FREM3: variants seen among roughly 807,000 people sequenced by gnomAD.
FREM3 encodes FRAS1 related extracellular matrix 3.
In FREM3, 105 loss-of-function variants were observed where a neutral mutation model predicts 129.1. The ratio of observed to expected loss-of-function variants is 0.81; its 90% CI spans 0.69 to 0.96. The LOEUF is 0.96. FREM3 is among the 40% of genes least tolerant of loss of function. FREM3 has a pLI of 0.00. For missense variants in FREM3, 2,593 were observed against 2,666.3 expected, an observed-to-expected ratio of 0.97 and a Z score of 0.61; for synonymous variants, 1,014 against 1,044.9, an observed-to-expected ratio of 0.97 and a Z score of 0.57.
chr4:143,681,851 A>G (rs1740256278), intron 2 of FREM3, among the ~76,000 whole-genome samples: 1 of 152,210 alleles, frequency 6.6e-6, no homozygotes, highest in South Asian at 2.1e-4. Flanking sequence ...GGCAAAATTG[A>G]TAGAGACAAC....
At position 143,700,646 on chromosome 4, in the gene FREM3, C is replaced by T. The variant is rs1740684450; in HGVS notation, c.30G>A (p.Gly10=). Residue 10 remains glycine (G), a synonymous_variant, in exon 1 of 8, where the codon GGG becomes GGA. Coordinates refer to ENST00000329798, the MANE Select transcript of FREM3 (RefSeq NM_001168235.2). ...GCGCCACAAGGAGCTGCCGGGGCGT[C>T]CCAGTCGGGTGCCGAGAAGCCCCCG... is the stretch of plus-strand genomic sequence containing the variant. The part of the protein sequence containing the change: MAGASRHPT[G]TPRQLLVALA... 2 of 1,434,018 alleles carry T rather than the reference C, an allele frequency of 1.4e-6. No homozygotes were observed. Among genetic ancestry groups the T allele is most frequent in the African/African-American group, 1.5e-5 (1 of 68,660 alleles). The allele number at this position is 1,434,018 out of a possible 1,614,324, so 88.8% of individuals were successfully genotyped here. A position where few individuals can be genotyped will look rare whatever the true frequency, so the allele number is the denominator to read the frequency against.
chr4:143,597,063 G>T (rs547149884), intron 6 of FREM3, among the ~76,000 whole-genome samples: 2 of 152,096 alleles, frequency 1.3e-5, no homozygotes, highest in African/African-American at 4.8e-5. Flanking sequence ...GGATCATAGC[G>T]GGGAGCATCA....
chr4:143,690,436 C>T lies in FREM3; in HGVS notation c.5275+2677G>A, dbSNP rs187039827. On this transcript the variant is annotated intron_variant, in intron 2 of 7. Coordinates refer to ENST00000329798, the MANE Select transcript of FREM3 (RefSeq NM_001168235.2). ...TTCTTAAGGCCCATGAGCTAAGCTG[C>T]AGCATACACCTAATGTCCAGTTCTG... 5.3e-5 allele frequency among the ~76,000 whole-genome samples: 8 copies of T among 152,248 alleles called. No homozygotes were observed. In the East Asian group the frequency reaches 1.5e-3, roughly 29 times the overall value.
intron 2 of FREM3, among the ~76,000 whole-genome samples, chr4:143,688,634 G>T (rs1259087892): frequency 6.6e-6 from 1 of 152,084 alleles, no homozygotes; most frequent in Non-Finnish European, 1.5e-5. Context: ...GTACTATAAG[G>T]CCATAGTCAC....
At chr4:143,683,759 T>C (rs1740302003) in intron 2 of FREM3, among the ~76,000 whole-genome samples, 1 of 152,110 alleles carries the variant, frequency 6.6e-6, no homozygotes, top group Non-Finnish European at 1.5e-5. Context: ...GCAGATAGCC[T>C]GGGGCAGGTT....
chr4:143,640,960 A>G (rs143119205), intron 2 of FREM3, among the ~76,000 whole-genome samples: 13 of 152,310 alleles, frequency 8.5e-5, no homozygotes, highest in African/African-American at 3.1e-4. Flanking sequence ...TTGGTCATAT[A>G]GAGTTGTACT....
rs1174218132 is a variant in FREM3 at position 143,624,179 on chromosome 4, A to G, written c.5582T>C (p.Leu1861Pro). The change falls in exon 4 of 8, where the codon CTG (leucine) becomes CCG (proline). Residue 1861 changes from leucine (L) to proline (P), a missense_variant. Physicochemically the swap from Leu to Pro is moderately conservative, Grantham distance 98. This residue lies in a region of FREM3 where 317 missense variants were observed against 399.0 expected (regional missense o/e 0.79). Coordinates refer to ENST00000329798, the MANE Select transcript of FREM3 (RefSeq NM_001168235.2). ...CAGTACAGCCATGAGAGGTTCAGAC[A>G]GAATGATCTGGAAGGTCTCTGAAGT... ...YETSETFQII[L>P]SEPLMAVLEF... is the part of the protein sequence containing the mutation. 6.5e-7 allele frequency: 1 copy of G among 1,537,028 alleles called. No individual in the cohort carries two copies. Among genetic ancestry groups the G allele is most frequent in the South Asian group, 1.2e-5 (1 of 84,062 alleles).
At chr4:143,595,156 G>A (rs1738444146) in intron 6 of FREM3, among the ~76,000 whole-genome samples, 1 of 152,208 alleles carries the variant, frequency 6.6e-6, no homozygotes, top group South Asian at 2.1e-4. Context: ...CAGAAACACT[G>A]TTGGTAAACT....
chr4:143,680,034 A>G (rs1332510586), intron 2 of FREM3, among the ~76,000 whole-genome samples: 1 of 152,114 alleles, frequency 6.6e-6, no homozygotes, highest in Non-Finnish European at 1.5e-5. Flanking sequence ...GTATTCAAGC[A>G]TTCTTTTTTT....
At chr4:143,665,773 T>G (rs778516643) in intron 2 of FREM3, among the ~76,000 whole-genome samples, 28 of 152,166 alleles carry the variant, frequency 1.8e-4, no homozygotes, top group Admixed American at 6.6e-5. Context: ...CAGTAGAAGT[T>G]GATTGATTAA....
intron 2 of FREM3, among the ~76,000 whole-genome samples, chr4:143,638,858 A>G (rs1739275996): frequency 6.6e-6 from 1 of 152,200 alleles, no homozygotes; most frequent in Non-Finnish European, 1.5e-5. Context: ...GGCCATCAGC[A>G]TCACAGAGAG....
chr4:143,595,684 A>G (rs12512228), intron 6 of FREM3, among the ~76,000 whole-genome samples: 3,373 of 152,176 alleles, frequency 0.022, 59 homozygotes, highest in African/African-American at 0.04. Context: ...TCTGCAGATC[A>G]AGACCATCCT....
intron 3 of FREM3, 91 bp from the exon 4 acceptor site, chr4:143,624,429 G>T: frequency 1.4e-6 from 1 of 728,628 alleles, no homozygotes; most frequent in Non-Finnish European, 2.2e-6. Context: ...AACAAAAGTA[G>T]ATAACATAGA....
At chr4:143,692,962 A>G in intron 2 of FREM3, 151 bp downstream of exon 2, 1 of 431,894 alleles carries the variant, frequency 2.3e-6, no homozygotes, top group Non-Finnish European at 4.1e-6. Flanking sequence ...TGAAACAAAA[A>G]GAATTAATTT....
At chr4:143,691,132 T>C (rs1334358632) in intron 2 of FREM3, among the ~76,000 whole-genome samples, 1 of 152,230 alleles carries the variant, frequency 6.6e-6, no homozygotes, top group Non-Finnish European at 1.5e-5. Flanking sequence ...AATTAGTTTA[T>C]GTATATGTAC....
chr4:143,621,256 C>T (rs1738946688), intron 4 of FREM3, 94 bp from the exon 5 acceptor site: 1 of 1,138,758 alleles, frequency 8.8e-7, no homozygotes, highest in Non-Finnish European at 1.2e-6. Context: ...GCCTTTGACT[C>T]TTATATTTTC....
intron 2 of FREM3, among the ~76,000 whole-genome samples, chr4:143,646,392 G>T (rs1739416104): frequency 6.6e-6 from 1 of 152,094 alleles, no homozygotes; most frequent in Admixed American, 6.5e-5. Context: ...TAGAGACAGA[G>T]TCTGATATGA....
At chr4:143,589,186 A>G (rs1351288189) in intron 6 of FREM3, among the ~76,000 whole-genome samples, 1 of 152,132 alleles carries the variant, frequency 6.6e-6, no homozygotes, top group Admixed American at 6.5e-5. Context: ...CCCATTCTGT[A>G]GGTTGCCTGT....
intron 3 of FREM3, among the ~76,000 whole-genome samples, chr4:143,625,146 G>T (rs1458514854): frequency 6.6e-6 from 1 of 152,140 alleles, no homozygotes; most frequent in Non-Finnish European, 1.5e-5. Flanking sequence ...GGTGAAAAGT[G>T]CTACCCCATC....
Sources: allele counts gnomAD v4.1 joint callset (sites outside exome capture counted in the v4.1 genomes callset), GRCh38; gene constraint gnomAD v4.1.1; regional missense constraint gnomAD v4.1.1; transcripts MANE v1.5; gene names NCBI Gene and HGNC (gene_info 2026-07-23, HGNC 2026-07-21).